The following GMDS variants were observed in gnomAD, a reference collection of about 807,000 sequenced individuals.
GMDS encodes the protein GDP-mannose 4,6 dehydratase.
GMDS carries 20 observed loss-of-function variants against 49.9 expected under a neutral mutation model. That is an observed-to-expected ratio of 0.40 (90% CI 0.28 to 0.58). The LOEUF (loss-of-function observed/expected upper bound fraction) is 0.58. GMDS is among the 20% of genes least tolerant of loss of function. The probability of loss-of-function intolerance (pLI) is 0.42; values close to 1 mark genes in which losing one functional copy is unlikely to be tolerated. For synonymous variants in GMDS, 177 were observed against 178.6 expected (o/e 0.99, Z 0.07); for missense variants, 362 against 481.4 (o/e 0.75, Z 2.32).
At chr6:2,026,977 A>G (rs1768640364) in intron 4 of GMDS, among the ~76,000 whole-genome samples, 1 of 152,222 alleles carries the variant, frequency 6.6e-6, no homozygotes, top group Admixed American at 6.5e-5. Context: ...AATAATATCA[A>G]AGAAAATATA....
chr6:2,011,253 A>T (rs1767540453), intron 4 of GMDS, among the ~76,000 whole-genome samples: 1 of 152,220 alleles, frequency 6.6e-6, no homozygotes, highest in South Asian at 2.1e-4. Flanking sequence ...ATGAAGTATC[A>T]TCTTACAACA....
intron 4 of GMDS, among the ~76,000 whole-genome samples, chr6:2,070,883 A>G (rs1771950476): frequency 6.6e-6 from 1 of 152,196 alleles, no homozygotes; most frequent in Non-Finnish European, 1.5e-5. Context: ...CCTGTGGAAC[A>G]CTGCTTAGTA....
chr6:1,949,101 G>A (rs1355750203), intron 6 of GMDS: 14 of 831,088 alleles, frequency 1.7e-5, no homozygotes, highest in Non-Finnish European at 1.7e-5. Flanking sequence ...CTAGCTTTCA[G>A]CATTGAAAAT....
intron 7 of GMDS, among the ~76,000 whole-genome samples, chr6:1,755,436 A>G (rs1215286353): frequency 6.6e-6 from 1 of 152,232 alleles, no homozygotes; most frequent in Non-Finnish European, 1.5e-5. Context: ...TATCATGAAA[A>G]TGGACATACT....
At chr6:1,885,409 A>G (rs1022388901) in intron 7 of GMDS, among the ~76,000 whole-genome samples, 2 of 152,226 alleles carry the variant, frequency 1.3e-5, no homozygotes, top group East Asian at 1.9e-4. Flanking sequence ...ATACCAGTGA[A>G]GAAGTGAAAT....
At chr6:2,007,695 C>A (rs1008008678) in intron 4 of GMDS, among the ~76,000 whole-genome samples, 6 of 151,974 alleles carry the variant, frequency 3.9e-5, no homozygotes, top group African/African-American at 1.5e-4. Flanking sequence ...TCACTATGTT[C>A]TCAAATTTAC....
intron 4 of GMDS, among the ~76,000 whole-genome samples, chr6:2,032,808 T>C (rs1052151637): frequency 2.6e-5 from 4 of 152,112 alleles, no homozygotes; most frequent in Non-Finnish European, 5.9e-5. Context: ...AGTCACCATA[T>C]AAAACAGAGG....
At chr6:1,824,568 C>G (rs1437269925) in intron 7 of GMDS, among the ~76,000 whole-genome samples, 1 of 152,150 alleles carries the variant, frequency 6.6e-6, no homozygotes, top group Non-Finnish European at 1.5e-5. Flanking sequence ...CTGTTGGTCT[C>G]TCCCATGAAG....
At chr6:2,241,374 T>C (rs536168082) in intron 1 of GMDS, among the ~76,000 whole-genome samples, 9 of 152,322 alleles carry the variant, frequency 5.9e-5, no homozygotes, top group Admixed American at 3.9e-4. Context: ...TTAGGGACTA[T>C]TGGAATTGTA....
intron 1 of GMDS, among the ~76,000 whole-genome samples, chr6:2,209,561 A>ACATACG (rs1779968167): frequency 7.3e-6 from 1 of 136,458 alleles, no homozygotes. Context: ...ACATACATAC[A>ACATACG]CATACACATA....
intron 4 of GMDS, among the ~76,000 whole-genome samples, chr6:2,006,767 A>G (rs1767208700): frequency 1.3e-5 from 2 of 152,108 alleles, no homozygotes; most frequent in South Asian, 2.1e-4. Context: ...TTAATCACAC[A>G]AAATTACTTC....
At chr6:2,094,657 G>C (rs1001797251) in intron 4 of GMDS, among the ~76,000 whole-genome samples, 1 of 152,156 alleles carries the variant, frequency 6.6e-6, no homozygotes, top group African/African-American at 2.4e-5. Context: ...GTGCAGTTTA[G>C]GGGTTGAGGG....
At position 1,779,719 on chromosome 6, in the gene GMDS, T is replaced by C. The variant is rs1458378400; in HGVS notation, c.772-37133A>G. ...TCAATCATGGATGCGAACCTGTCCCTCTAACTGATAGTGGTAAAATGAAAA... is the reference window on the plus strand; with the variant it reads ...TCAATCATGGATGCGAACCTGTCCCCCTAACTGATAGTGGTAAAATGAAAA... On this transcript the variant is annotated intron_variant, in intron 7 of 10. Coordinates refer to ENST00000380815, the MANE Select transcript of GMDS (RefSeq NM_001500.4). Among the ~76,000 whole-genome samples the C allele has an allele frequency of 2.0e-5, 3 of 152,186 alleles. No individual in the cohort carries two copies. In the East Asian group the frequency reaches 5.8e-4, roughly 29 times the overall value.
intron 4 of GMDS, among the ~76,000 whole-genome samples, chr6:2,094,471 A>G (rs1479975540): frequency 5.3e-5 from 8 of 152,272 alleles, no homozygotes; most frequent in Admixed American, 2.6e-4. Context: ...CTGCCAATAA[A>G]GCAAATACAA....
At chr6:1,644,154 C>T (rs972400939) in intron 9 of GMDS, among the ~76,000 whole-genome samples, 2 of 152,232 alleles carry the variant, frequency 1.3e-5, no homozygotes, top group African/African-American at 4.8e-5. Flanking sequence ...TAGTAGCCTG[C>T]AGCCACCAGT....
chr6:2,011,758 A>T (rs1163236645), intron 4 of GMDS, among the ~76,000 whole-genome samples: 2 of 152,170 alleles, frequency 1.3e-5, no homozygotes, highest in African/African-American at 4.8e-5. Flanking sequence ...CTAGAAAAAA[A>T]TTAAAAATTA....
At chr6:2,007,589 A>C (rs1464574880) in intron 4 of GMDS, among the ~76,000 whole-genome samples, 1 of 147,660 alleles carries the variant, frequency 6.8e-6, no homozygotes, top group Admixed American at 6.7e-5. Flanking sequence ...ATTTAATTTT[A>C]TTTCTTTCCA....
At chr6:1,700,796 G>C (rs1269132721) in intron 9 of GMDS, among the ~76,000 whole-genome samples, 1 of 152,168 alleles carries the variant, frequency 6.6e-6, no homozygotes, top group African/African-American at 2.4e-5. Flanking sequence ...AGGCTGAGCA[G>C]TCCACCTCCA....
chr6:2,101,679 G>A (rs9392366), intron 4 of GMDS, among the ~76,000 whole-genome samples: 45,425 of 151,708 alleles, frequency 0.3, 7,147 homozygotes, highest in East Asian at 0.49. Flanking sequence ...AACTGTGGGG[G>A]AAAAAAGGCA....
Sources: allele counts gnomAD v4.1 joint callset (sites outside exome capture counted in the v4.1 genomes callset), GRCh38; gene constraint gnomAD v4.1.1; transcripts MANE v1.5; gene names NCBI Gene and HGNC (gene_info 2026-07-23, HGNC 2026-07-21).